The following AXIN1 variants were observed in gnomAD, a reference collection of about 807,000 sequenced individuals.
AXIN1 encodes the protein axin 1.
Under a neutral mutation model 76.4 loss-of-function variants are expected in AXIN1, and 30 were observed. That is an observed-to-expected ratio of 0.39 (90% CI 0.29 to 0.53). AXIN1 has a LOEUF of 0.53. Ranked by LOEUF, AXIN1 falls within the 20% of genes least tolerant of loss-of-function variation. The pLI, the probability that AXIN1 is intolerant of heterozygous loss-of-function variation, is 0.66. For synonymous variants in AXIN1, 545 were observed against 501.4 expected, an observed-to-expected ratio of 1.09 and a Z score of -1.16; for missense variants, 1,140 against 1,198.8, an observed-to-expected ratio of 0.95 and a Z score of 0.72.
chr16:342,038 G>C (rs1404552844), intron 2 of AXIN1, among the ~76,000 whole-genome samples: 1 of 152,232 alleles, frequency 6.6e-6, no homozygotes, highest in Non-Finnish European at 1.5e-5. Context: ...GGTGGGGCCA[G>C]ATAAGAGAAT....
Position 346,745 on chromosome 16 carries a change from T to G in AXIN1, c.281A>C (p.Asp94Ala), listed in dbSNP as rs200407602. Reference sequence around the variant, plus strand: ...GAACAGGCTTATCCCATCTTGGTCATCCAGCAGGGAATGCAGTGACTCAGC... The same window carrying G: ...GAACAGGCTTATCCCATCTTGGTCAGCCAGCAGGGAATGCAGTGACTCAGC... ...KWAESLHSLL[D>A]DQDGISLFRT... The change falls in exon 2 of 11, where the codon GAT becomes GCT. Residue 94 changes from aspartate to alanine, a missense_variant. Asp to Ala is a moderately radical substitution (Grantham distance 126, BLOSUM62 -2). Around this residue, in one of 3 missense-constraint regions of AXIN1, gnomAD observed 708 missense variants for 776.9 expected, o/e 0.91. Transcript: ENST00000262320. The G allele has an allele frequency of 4.4e-6, 7 of 1,600,608 alleles. No individual in the cohort carries two copies. In the East Asian group the frequency reaches 1.6e-4, roughly 36 times the overall value.
At chr16:331,742 T>C (rs1259285603) in intron 2 of AXIN1, among the ~76,000 whole-genome samples, 1 of 152,218 alleles carries the variant, frequency 6.6e-6, no homozygotes, top group African/African-American at 2.4e-5. Context: ...AACTCCACAC[T>C]GCACCACGAA....
At chr16:303,446 A>G (rs1439848671) in intron 5 of AXIN1, among the ~76,000 whole-genome samples, 1 of 151,706 alleles carries the variant, frequency 6.6e-6, no homozygotes, top group East Asian at 1.9e-4. Flanking sequence ...CAGTGGCGCA[A>G]TCTTGGCACA....
At chr16:305,062 G>A (rs977301504) in intron 4 of AXIN1, among the ~76,000 whole-genome samples, 10 of 152,152 alleles carry the variant, frequency 6.6e-5, no homozygotes, top group African/African-American at 2.4e-4. Flanking sequence ...AGAAGCACTC[G>A]AGGAGACGCC....
intron 3 of AXIN1, 98 bp from the exon 4 acceptor site, chr16:310,167 AATG>A (rs1342105797): frequency 1.6e-5 from 17 of 1,085,268 alleles, no homozygotes; most frequent in Middle Eastern, 2.5e-4. Flanking sequence ...GTCAGCAGGC[AATG>A]ATGAGGACAC....
intron 2 of AXIN1, among the ~76,000 whole-genome samples, chr16:333,985 A>C (rs2053747236): frequency 6.6e-6 from 1 of 151,158 alleles, no homozygotes; most frequent in Admixed American, 6.6e-5. Context: ...GCAATAACAC[A>C]GCATGCAGTA....
chr16:290,679 T>A, intron 9 of AXIN1: 1 of 244,846 alleles, frequency 4.1e-6, no homozygotes, highest in Non-Finnish European at 8.2e-6. Flanking sequence ...CTGAGCCCTT[T>A]CTCACGGGTT....
chr16:297,621 T>C (rs1177752219), intron 6 of AXIN1, 101 bp downstream of exon 6: 1 of 1,427,876 alleles, frequency 7.0e-7, no homozygotes, highest in Non-Finnish European at 9.2e-7. Flanking sequence ...TGCCTGTTGC[T>C]GGCGGTCCTG....
chr16:289,308 C>T (rs1014555951), intron 10 of AXIN1, 132 bp downstream of exon 10: 29 of 1,186,758 alleles, frequency 2.4e-5, no homozygotes, highest in East Asian at 7.1e-5. Context: ...TGAGGCAATC[C>T]GCCCACCTCA....
chr16:342,664 G>C (rs117311238), intron 2 of AXIN1, among the ~76,000 whole-genome samples: 1 of 152,200 alleles, frequency 6.6e-6, no homozygotes, highest in Non-Finnish European at 1.5e-5. Flanking sequence ...TGAGACAGAC[G>C]GGACACAGCG....
rs2052627838 is a variant in AXIN1, at chr16:293,577, T to G, written c.2097A>C (p.Pro699=). The change falls in exon 8 of 11, where the codon CCA becomes CCC. Residue 699 remains proline, a synonymous_variant. Coordinates refer to ENST00000262320, the MANE Select transcript of AXIN1 (RefSeq NM_003502.4). This position sits in a 1 kb window ranked among gnomAD's most constrained non-coding sequence, Gnocchi z 4.6. The part of the protein sequence containing the change: ...FIQDPTMPPH[P]APNPLTQLEE... ...CCAGCTGGGTTAGGGGGTTGGGAGCTGGGTGGGGTGGCATGGTGGGGTCTT... is the reference window on the plus strand; with the variant it reads ...CCAGCTGGGTTAGGGGGTTGGGAGCGGGGTGGGGTGGCATGGTGGGGTCTT... 1 of 1,611,946 alleles carries G rather than the reference T, an allele frequency of 6.2e-7. No individual in the cohort carries two copies. Among genetic ancestry groups the G allele is most frequent in the Non-Finnish European group, 8.5e-7 (1 of 1,179,690 alleles).
At chr16:301,699 G>C (rs1048396968) in intron 5 of AXIN1, among the ~76,000 whole-genome samples, 1 of 152,256 alleles carries the variant, frequency 6.6e-6, no homozygotes, top group Non-Finnish European at 1.5e-5. Context: ...CCCTGCGAAC[G>C]GGTGAAGGCG....
chr16:324,307 C>T (rs567277696), intron 2 of AXIN1, among the ~76,000 whole-genome samples: 6 of 151,390 alleles, frequency 4.0e-5, no homozygotes, highest in East Asian at 3.9e-4. Context: ...GGTCTCCTGC[C>T]GGATCCTTTC....
At chr16:329,691 T>A (rs1191597800) in intron 2 of AXIN1, among the ~76,000 whole-genome samples, 1 of 151,996 alleles carries the variant, frequency 6.6e-6, no homozygotes, top group East Asian at 1.9e-4. Context: ...TGGCGCAGTC[T>A]TGGCTCACTG....
At chr16:326,372 A>AAAAATATAT (rs1380874299) in intron 2 of AXIN1, among the ~76,000 whole-genome samples, 8 of 86,470 alleles carry the variant, frequency 9.3e-5, no homozygotes, top group East Asian at 7.1e-4. Flanking sequence ...AAAAAAAAAA[A>AAAAATATAT]ATATATATAT....
intron 2 of AXIN1, among the ~76,000 whole-genome samples, chr16:320,532 T>A (rs1484322665): frequency 6.6e-6 from 1 of 152,048 alleles, no homozygotes; most frequent in Non-Finnish European, 1.5e-5. Flanking sequence ...AGGTCAAGCT[T>A]CACAGCATCC....
At chr16:317,232 C>T (rs1432633174) in intron 2 of AXIN1, among the ~76,000 whole-genome samples, 8 of 152,184 alleles carry the variant, frequency 5.3e-5, no homozygotes, top group Non-Finnish European at 1.2e-4. Flanking sequence ...GGGAGATGAG[C>T]GAGCACTGCG....
chr16:316,800 G>C (rs1037457936), intron 2 of AXIN1, among the ~76,000 whole-genome samples: 1 of 152,240 alleles, frequency 6.6e-6, no homozygotes, highest in Non-Finnish European at 1.5e-5. Flanking sequence ...TAACTTGTAA[G>C]TTAAATTTGA....
At chr16:327,298 G>A (rs957120093) in intron 2 of AXIN1, among the ~76,000 whole-genome samples, 29 of 152,040 alleles carry the variant, frequency 1.9e-4, no homozygotes, top group Admixed American at 1.7e-3. Flanking sequence ...CATGGGGCAG[G>A]GCACTCTCAC....
Sources: gnomAD v4.1 joint callset for allele counts (sites outside exome capture counted in the v4.1 genomes callset) on GRCh38, gnomAD v4.1.1 for gene constraint, gnomAD v4.1.1 regional missense constraint, Gnocchi (gnomAD v3.1) non-coding constraint, MANE v1.5 for transcripts, NCBI Gene and HGNC (gene_info 2026-07-23, HGNC 2026-07-21) for gene names.